The following NBPF9 variants were observed in gnomAD, a reference collection of about 807,000 sequenced individuals.
NBPF9 encodes the protein NBPF family member NBPF9.
Under a neutral mutation model 97.8 loss-of-function variants are expected in NBPF9, and 91 were observed. That is an observed-to-expected ratio of 0.93 (90% CI 0.79 to 1.11). The LOEUF (loss-of-function observed/expected upper bound fraction) is 1.11, where lower values mean the gene tolerates loss of function less well. Among genes scored for constraint, NBPF9 ranks in the 50% least tolerant of loss-of-function variants. NBPF9 has a pLI of 0.00. For synonymous variants in NBPF9, 334 were observed against 359.5 expected (o/e 0.93, Z 0.80); for missense variants, 992 against 939.5 (o/e 1.06, Z -0.73).
At chr1:149,062,767 T>G in intron 21 of NBPF9, 95 bp downstream of exon 21, 5 of 773,656 alleles carry the variant, frequency 6.5e-6, no homozygotes, top group Non-Finnish European at 1.2e-5. Flanking sequence ...CAACCTCCGT[T>G]GAAAACATGA....
intron 5 of NBPF9, among the ~76,000 whole-genome samples, chr1:149,084,206 C>T (rs1175199014): frequency 7.6e-5 from 11 of 144,392 alleles, no homozygotes; most frequent in Admixed American, 2.8e-4. Context: ...ATGTAAATGA[C>T]GAGTTAATGG....
chr1:149,076,556 G>A (rs1458398187), intron 11 of NBPF9, among the ~76,000 whole-genome samples: 2 of 149,034 alleles, frequency 1.3e-5, no homozygotes, highest in East Asian at 2.0e-4. Flanking sequence ...AGGCTGGAGT[G>A]CAGTGGCACA....
At chr1:149,068,379 C>G (rs1304752588) in intron 17 of NBPF9, among the ~76,000 whole-genome samples, 2 of 151,000 alleles carry the variant, frequency 1.3e-5, no homozygotes, top group South Asian at 4.2e-4. Flanking sequence ...ATTCAGGAAA[C>G]CCATCTCACA....
chr1:149,094,414 C>T (rs1209525301), intron 4 of NBPF9, among the ~76,000 whole-genome samples: 4 of 130,296 alleles, frequency 3.1e-5, no homozygotes, highest in Admixed American at 1.5e-4. Context: ...ATATAAAGTC[C>T]CAAACACAGG....
intron 5 of NBPF9, among the ~76,000 whole-genome samples, chr1:149,084,896 G>T (rs1404505294): frequency 1.3e-5 from 2 of 150,972 alleles, no homozygotes; most frequent in African/African-American, 4.9e-5. Flanking sequence ...CACCTTCAAC[G>T]TCATTGTCAC....
At chr1:149,101,129 G>C (rs1358921499) in intron 3 of NBPF9, 133 bp downstream of exon 3, 2 of 151,578 alleles carry the variant, frequency 1.3e-5, no homozygotes, top group African/African-American at 4.8e-5. Context: ...GCTCATGCCT[G>C]TAATCCCAAC....
exon 30 of NBPF9, chr1:149,055,480 T>A: frequency 7.2e-7 from 1 of 1,389,978 alleles, no homozygotes; most frequent in Non-Finnish European, 9.7e-7. Context: ...GTGGGTCCAT[T>A]GTCTTCAGAC....
At chr1:149,063,220 C>T (rs1318804332) in intron 20 of NBPF9, among the ~76,000 whole-genome samples, 2 of 130,750 alleles carry the variant, frequency 1.5e-5, no homozygotes. Context: ...CAAATGGTTG[C>T]TAGGAGAAAA....
intron 5 of NBPF9, among the ~76,000 whole-genome samples, chr1:149,084,083 A>T (rs1300015629): frequency 1.3e-5 from 2 of 151,180 alleles, no homozygotes; most frequent in Non-Finnish European, 1.5e-5. Flanking sequence ...GTTCTCACTC[A>T]TGGGTGGGAA....
chr1:149,100,180 T>C (rs1853029), intron 3 of NBPF9, among the ~76,000 whole-genome samples: 6 of 140,758 alleles, frequency 4.3e-5, no homozygotes, highest in East Asian at 2.2e-4. Context: ...ATTGTAAAAA[T>C]TGTAAAAAGA....
chr1:149,072,515 G>A (rs1203359297), intron 14 of NBPF9, among the ~76,000 whole-genome samples: 2 of 152,162 alleles, frequency 1.3e-5, no homozygotes, highest in African/African-American at 2.4e-5. Flanking sequence ...CATCAAGGGA[G>A]GAGGGACACT....
intron 8 of NBPF9, 64 bp downstream of exon 8, chr1:149,079,989 G>A (rs587765634): frequency 1.3e-4 from 180 of 1,362,584 alleles, no homozygotes; most frequent in East Asian, 4.6e-4. Context: ...TCTCCCCGCC[G>A]AGCTGCTGTA....
Position 149,062,076 on chromosome 1 carries a change from C to T in NBPF9, c.2251+17G>A, listed in dbSNP as rs781922295. 2.9e-5 allele frequency: 29 copies of T among 1,006,320 alleles called. No individual in the cohort carries two copies. The highest frequency in any genetic ancestry group is 2.6e-4 in the African/African-American group (14 of 54,078). 62.3% of individuals were successfully genotyped at this position (1,006,320 alleles called of 1,614,324 possible). On this transcript the variant is annotated intron_variant, in intron 22 of 29. Coordinates refer to ENST00000584027, the Ensembl canonical transcript of NBPF9. ...AGACCAGGTGGAGGCTTATCACCTT[C>T]ATAGTAAGGTACTCACTGTCCAAGT...
chr1:149,073,263 AC>A (rs1464690893), intron 13 of NBPF9, among the ~76,000 whole-genome samples: 1 of 144,802 alleles, frequency 6.9e-6, no homozygotes. Context: ...GTGAAAATAC[AC>A]ATAGTGCATC....
intron 16 of NBPF9, 112 bp downstream of exon 16, chr1:149,070,821 GA>G (rs1393566882): frequency 6.8e-7 from 1 of 1,470,028 alleles, no homozygotes; most frequent in Non-Finnish European, 9.5e-7. Flanking sequence ...TATCTGTTTA[GA>G]AACCCATCAC....
At chr1:149,058,133 C>G in intron 27 of NBPF9, 31 bp downstream of exon 27, 1 of 613,068 alleles carries the variant, frequency 1.6e-6, no homozygotes, top group Non-Finnish European at 2.9e-6. Context: ...GATGTCAACA[C>G]AGAAGTAGAT....
intron 11 of NBPF9, among the ~76,000 whole-genome samples, chr1:149,076,668 A>AT (rs200537943): frequency 0.02 from 2,533 of 129,384 alleles, 56 homozygotes; most frequent in African/African-American, 0.05. Flanking sequence ...ACGCCCAGCT[A>AT]TTTTTTTTTT....
At chr1:149,054,156 A>G (rs1322240206) in exon 30 of NBPF9, 10 of 147,068 alleles carry the variant, frequency 6.8e-5, no homozygotes, top group Admixed American at 5.5e-4. Flanking sequence ...AAAAGGTTTT[A>G]ATTGTATAGA....
At chr1:149,073,255 G>A (rs1329923858) in intron 13 of NBPF9, among the ~76,000 whole-genome samples, 1 of 145,270 alleles carries the variant, frequency 6.9e-6, no homozygotes, top group Non-Finnish European at 1.5e-5. Context: ...ATTTCCATGT[G>A]AAAATACACA....
Sources: allele counts gnomAD v4.1 joint callset (sites outside exome capture counted in the v4.1 genomes callset), GRCh38; gene constraint gnomAD v4.1.1; transcripts MANE v1.5; gene names NCBI Gene and HGNC (gene_info 2026-07-23, HGNC 2026-07-21).